The following C8orf34 variants were observed in gnomAD, a reference collection of about 807,000 sequenced individuals.
C8orf34 encodes uncharacterized protein C8orf34.
Under a neutral mutation model 68.3 loss-of-function variants are expected in C8orf34, and 65 were observed. That is an observed-to-expected ratio of 0.95 (90% CI 0.78 to 1.17). The LOEUF (loss-of-function observed/expected upper bound fraction) is 1.17, where lower values mean the gene tolerates loss of function less well. Ranked by LOEUF, C8orf34 falls within the 50% of genes most tolerant of loss-of-function variation. C8orf34 has a pLI of 0.00. For missense variants in C8orf34, 664 were observed against 655.4 expected (o/e 1.01, Z -0.14); for synonymous variants, 244 against 241.2 (o/e 1.01, Z -0.11).
At chr8:68,526,683 A>G (rs1815004341) in intron 6 of C8orf34, among the ~76,000 whole-genome samples, 1 of 129,890 alleles carries the variant, frequency 7.7e-6, no homozygotes, top group Admixed American at 7.7e-5. Flanking sequence ...TAATGACTGG[A>G]GTCAAAAAAA....
intron 4 of C8orf34, among the ~76,000 whole-genome samples, chr8:68,485,877 T>C (rs941372912): frequency 6.6e-6 from 1 of 151,924 alleles, no homozygotes; most frequent in African/African-American, 2.4e-5. Flanking sequence ...TCATATTATC[T>C]ATGCTCTCTT....
intron 10 of C8orf34, among the ~76,000 whole-genome samples, chr8:68,726,621 A>G (rs919969371): frequency 1.1e-4 from 16 of 152,290 alleles, no homozygotes; most frequent in African/African-American, 3.8e-4. Flanking sequence ...GCTGATAAAA[A>G]CATATCCAAG....
chr8:68,545,086 G>A (rs7014750), intron 7 of C8orf34, among the ~76,000 whole-genome samples: 27,203 of 152,078 alleles, frequency 0.18, 2,960 homozygotes, highest in African/African-American at 0.31. Flanking sequence ...TGGTTTGGCT[G>A]TGTCCCCAAC....
At chr8:68,700,023 G>A (rs1159223118) in intron 8 of C8orf34, among the ~76,000 whole-genome samples, 1 of 152,076 alleles carries the variant, frequency 6.6e-6, no homozygotes, top group Non-Finnish European at 1.5e-5. Flanking sequence ...GAAGCAGAAT[G>A]TAAGGGCAGT....
At chr8:68,785,043 T>C (rs939167378) in intron 11 of C8orf34, among the ~76,000 whole-genome samples, 1 of 151,756 alleles carries the variant, frequency 6.6e-6, no homozygotes, top group African/African-American at 2.4e-5. Flanking sequence ...TAGAGAAACA[T>C]ATGTGTATAT....
At chr8:68,732,895 T>C (rs891026612) in intron 10 of C8orf34, among the ~76,000 whole-genome samples, 1 of 152,132 alleles carries the variant, frequency 6.6e-6, no homozygotes, top group African/African-American at 2.4e-5. Flanking sequence ...AAACCCCATC[T>C]CTACTAAAAA....
intron 12 of C8orf34, among the ~76,000 whole-genome samples, chr8:68,788,433 A>G (rs1018540761): frequency 7.9e-5 from 12 of 152,216 alleles, no homozygotes; most frequent in Non-Finnish European, 1.6e-4. Flanking sequence ...CACAGGCATG[A>G]GAGTGAGTGC....
chr8:68,508,504 C>T (rs1261445247), intron 5 of C8orf34, among the ~76,000 whole-genome samples: 1 of 152,180 alleles, frequency 6.6e-6, no homozygotes, highest in Non-Finnish European at 1.5e-5. Context: ...CTAATTTACT[C>T]CAAAACTCAG....
intron 8 of C8orf34, among the ~76,000 whole-genome samples, chr8:68,686,275 C>A (rs1031202050): frequency 1.2e-4 from 18 of 152,158 alleles, no homozygotes; most frequent in Non-Finnish European, 1.9e-4. Flanking sequence ...CTCCTTAAAT[C>A]ATTCTATGAG....
chr8:68,564,346 G>C (rs149112267), intron 7 of C8orf34, among the ~76,000 whole-genome samples: 222 of 152,260 alleles, frequency 1.5e-3, no homozygotes, highest in African/African-American at 5.2e-3. Context: ...AGATAAGATG[G>C]GAGAGAAACT....
intron 10 of C8orf34, among the ~76,000 whole-genome samples, chr8:68,735,686 G>T (rs1822103522): frequency 6.6e-6 from 1 of 151,844 alleles, no homozygotes; most frequent in Non-Finnish European, 1.5e-5. Context: ...AGAAAGAAAA[G>T]AAAAAAACAT....
At chr8:68,808,227 G>C (rs1269779140) in intron 12 of C8orf34, among the ~76,000 whole-genome samples, 1 of 152,180 alleles carries the variant, frequency 6.6e-6, no homozygotes, top group Non-Finnish European at 1.5e-5. Context: ...TGCACTTTCA[G>C]TGAAATGCTT....
chr8:68,516,286 G>A (rs1213035766), intron 5 of C8orf34, among the ~76,000 whole-genome samples: 1 of 152,104 alleles, frequency 6.6e-6, no homozygotes. Flanking sequence ...TTAAAAATTC[G>A]TTCAACACAT....
intron 9 of C8orf34, among the ~76,000 whole-genome samples, chr8:68,709,827 T>G (rs1821280833): frequency 6.6e-6 from 1 of 152,186 alleles, no homozygotes; most frequent in South Asian, 2.1e-4. Context: ...AAATGTTTGT[T>G]GTATATGTAA....
intron 7 of C8orf34, among the ~76,000 whole-genome samples, chr8:68,620,143 T>C (rs781166366): frequency 2.6e-5 from 4 of 152,082 alleles, no homozygotes; most frequent in Non-Finnish European, 2.9e-5. Context: ...ACTAGCCAGA[T>C]GGGGTAGGGA....
chr8:68,615,773 C>A (rs1347042542), intron 7 of C8orf34, among the ~76,000 whole-genome samples: 1 of 152,140 alleles, frequency 6.6e-6, no homozygotes, highest in Non-Finnish European at 1.5e-5. Context: ...TGTCTCTGCC[C>A]AGCTTTGGTA....
Position 68,462,916 on chromosome 8 carries a change from A to G in C8orf34, c.608-5776A>G, listed in dbSNP as rs535357295. ...CAAGAGCAAACACATTCAAAAGCTA[A>G]CAGAAGACAAGAAATAACTAAAATC... On this transcript the variant is annotated intron_variant, in intron 3 of 13. Coordinates refer to ENST00000518698, the MANE Select transcript of C8orf34 (RefSeq NM_052958.4). Among the ~76,000 whole-genome samples, 1,350 of 152,174 alleles carry G rather than the reference A, an allele frequency of 8.9e-3. 10 individuals carry two copies. The highest frequency in any genetic ancestry group is 0.016 in the Non-Finnish European group (1,060 of 67,994).
intron 7 of C8orf34, among the ~76,000 whole-genome samples, chr8:68,634,690 C>T (rs928572281): frequency 2.0e-5 from 3 of 152,030 alleles, no homozygotes; most frequent in African/African-American, 7.2e-5. Context: ...AGTATCCTTC[C>T]ATGACCAAAC....
intron 10 of C8orf34, among the ~76,000 whole-genome samples, chr8:68,775,682 T>C (rs1051140964): frequency 6.6e-6 from 1 of 152,200 alleles, no homozygotes; most frequent in African/African-American, 2.4e-5. Flanking sequence ...ATTTATAGAA[T>C]ATAGAATTTG....
Sources: gnomAD v4.1 joint callset for allele counts (sites outside exome capture counted in the v4.1 genomes callset) on GRCh38, gnomAD v4.1.1 for gene constraint, MANE v1.5 for transcripts, NCBI Gene and HGNC (gene_info 2026-07-23, HGNC 2026-07-21) for gene names.